NLRP6: variants seen among roughly 807,000 people sequenced by gnomAD.
NLRP6 encodes NACHT, LRR and PYD domains-containing protein 6.
Under a neutral mutation model 70.9 loss-of-function variants are expected in NLRP6, and 55 were observed. That is an observed-to-expected ratio of 0.78 (90% CI 0.62 to 0.97). The LOEUF is 0.97. Among genes scored for constraint, NLRP6 ranks in the 50% least tolerant of loss-of-function variants. NLRP6 has a pLI of 0.00. For synonymous variants in NLRP6, 652 were observed against 581.9 expected (o/e 1.12, Z -1.73); for missense variants, 1,241 against 1,238.3 (o/e 1.00, Z -0.03).
At chr11:279,698 G>A in intron 2 of NLRP6, 91 bp downstream of exon 2, 4 of 1,348,740 alleles carry the variant, frequency 3.0e-6, no homozygotes, top group Admixed American at 3.7e-5. Flanking sequence ...GCGGTCCCCG[G>A]CCCCCGCGCG....
rs143910450 is a variant in NLRP6 at position 284,264 on chromosome 11, C to T, written c.2233C>T (p.Arg745Ter). ...SHCKLPDAVC[R>*]DLSEALRAAP... Reference sequence around the variant, plus strand: ...CTGCAAACTCCCTGACGCGGTCTGCCGAGACCTTTCTGAGGCCCTGAGGGC... The same window carrying T: ...CTGCAAACTCCCTGACGCGGTCTGCTGAGACCTTTCTGAGGCCCTGAGGGC... Residue 745 changes from arginine (R) to a stop codon, truncating the protein, a stop_gained, in exon 6 of 8, where the codon CGA becomes TGA. Transcript: ENST00000534750. LOFTEE classifies it high-confidence loss of function. The T allele has an allele frequency of 6.4e-5, 104 of 1,613,210 alleles. No individual in the cohort carries two copies. The highest frequency in any genetic ancestry group is 9.3e-5 in the African/African-American group (7 of 75,046).
chr11:280,665 C>A lies in NLRP6; in HGVS notation c.931C>A (p.Leu311Met), dbSNP rs761365031. The A allele has an allele frequency of 6.5e-7, 1 of 1,538,312 alleles. No homozygotes were observed. The change falls in exon 4 of 8, where the codon CTG becomes ATG. Residue 311 changes from leucine to methionine, a missense_variant. Physicochemically the swap from Leu to Met is conservative, Grantham distance 15 (BLOSUM62 2). Transcript: ENST00000534750. ...GAGCGGCGCGCGGGTGCTAGGCGGG[C>A]TGCTGAGCAAGGCGCTGCTGCCCAC... ...AASGARVLGG[L>M]LSKALLPTAL...
At position 281,321 on chromosome 11, in the gene NLRP6, C is replaced by T. The variant is rs766180756; in HGVS notation, c.1587C>T (p.Leu529=). ...PRTAAGGVGT[L]LRGDAQPHSH... is the part of the protein sequence containing the mutation. The stretch of plus-strand genomic sequence containing the variant: ...CCGCGGCTGGCGGCGTTGGGACACT[C>T]CTGCGTGGGGACGCCCAGCCGCACA... The change falls in exon 4 of 8, where the codon CTC becomes CTT. Residue 529 remains leucine (L), a synonymous_variant. Coordinates refer to ENST00000534750, the MANE Select transcript of NLRP6 (RefSeq NM_001276700.2). 1 of 1,610,500 alleles carries T rather than the reference C, an allele frequency of 6.2e-7. No individual in the cohort carries two copies. Among genetic ancestry groups the T allele is most frequent in the East Asian group, 2.2e-5 (1 of 44,856 alleles).
At position 278,820 on chromosome 11, in the gene NLRP6, A is replaced by G. The variant is rs199475789; in HGVS notation, c.29+222A>G. Among the ~76,000 whole-genome samples the G allele has an allele frequency of 8.5e-5, 13 of 152,320 alleles. No individual in the cohort carries two copies. Among genetic ancestry groups the G allele is most frequent in the Non-Finnish European group, 1.3e-4 (9 of 68,016 alleles). On this transcript the variant is annotated intron_variant, in intron 1 of 7. Coordinates refer to ENST00000534750, the MANE Select transcript of NLRP6 (RefSeq NM_001276700.2). This position sits in a 1 kb window ranked among gnomAD's most constrained non-coding sequence, Gnocchi z 4.7. ...ATTCAGGCCCTGGTGCAAGGCCCCA[A>G]GCTGGGCCCCACCAAAGTGTGGCAG...
Position 280,950 on chromosome 11 carries a change from C to G in NLRP6, c.1216C>G (p.Arg406Gly), listed in dbSNP as rs372441368. The part of the protein sequence containing the change: ...TVLRQQLELG[R>G]DLSRTSKTTT... ...GCTGCGCCAGCAGCTGGAGCTCGGT[C>G]GGGACCTGTCGCGCACGTCCAAGAC... Residue 406 changes from arginine (R) to glycine (G), a missense_variant, in exon 4 of 8, where the codon CGG (arginine) becomes GGG (glycine). Arg to Gly is a moderately radical substitution (Grantham distance 125). Coordinates refer to ENST00000534750, the MANE Select transcript of NLRP6 (RefSeq NM_001276700.2). 1.9e-6 allele frequency: 3 copies of G among 1,613,090 alleles called. No homozygotes were observed. In the South Asian group the frequency reaches 3.3e-5, roughly 18 times the overall value.
Position 281,075 on chromosome 11 carries a change from C to T in NLRP6, c.1341C>T (p.Arg447=), listed in dbSNP as rs148559712. The T allele has an allele frequency of 3.1e-6, 5 of 1,612,756 alleles. No homozygotes were observed. The highest frequency in any genetic ancestry group is 3.4e-6 in the Non-Finnish European group (4 of 1,179,796). ...RLQGDLRNLC[R]LAREGVLGRR... is the part of the protein sequence containing the mutation. ...AGGGCGACCTGCGCAATCTGTGCCG[C>T]CTGGCCCGCGAGGGCGTCCTCGGAC... The change falls in exon 4 of 8, where the codon CGC becomes CGT. Residue 447 remains arginine (R), a synonymous_variant. Transcript: ENST00000534750.
chr11:282,634 T>C (rs1374000524), intron 4 of NLRP6, 71 bp from the exon 5 acceptor site: 27 of 1,182,632 alleles, frequency 2.3e-5, no homozygotes, highest in Non-Finnish European at 3.3e-5. Flanking sequence ...GGACTACAGA[T>C]AGACAGGAGT....
rs777226639 is a variant in NLRP6, at chr11:280,647, G to T, written c.913G>T (p.Ala305Ser). 4 of 1,511,750 alleles carry T rather than the reference G, an allele frequency of 2.6e-6. No homozygotes were observed. The highest frequency in any genetic ancestry group is 2.6e-6 in the Non-Finnish European group (3 of 1,138,342). The allele number at this position is 1,511,750 out of a possible 1,614,324, so 93.6% of individuals were successfully genotyped here. A position where few individuals can be genotyped will look rare whatever the true frequency, so the allele number is the denominator to read the frequency against. The change falls in exon 4 of 8, where the codon GCG (alanine) becomes TCG (serine). Residue 305 changes from alanine (A) to serine (S), a missense_variant. By Grantham distance (99) the Ala-to-Ser change is moderately conservative (BLOSUM62 1). Transcript: ENST00000534750. The part of the protein sequence containing the change: ...CTDPFEAASG[A>S]RVLGGLLSKA... The stretch of plus-strand genomic sequence containing the variant: ...AGACCCCTTCGAGGCGGCGAGCGGC[G>T]CGCGGGTGCTAGGCGGGCTGCTGAG...
Position 280,328 on chromosome 11 carries a change from G to T in NLRP6, c.594G>T (p.Val198=). 1 of 1,507,640 alleles carries T rather than the reference G, an allele frequency of 6.6e-7. No homozygotes were observed. Among genetic ancestry groups the T allele is most frequent in the Non-Finnish European group, 8.8e-7 (1 of 1,130,264 alleles). 93.4% of individuals were successfully genotyped at this position (1,507,640 alleles called of 1,614,324 possible). The part of the protein sequence containing the change: ...RDEEGRRPLT[V]VLQGPAGIGK... The stretch of plus-strand genomic sequence containing the variant: ...AGGAGGGCCGGCGGCCGCTGACCGT[G>T]GTGCTGCAGGGCCCGGCGGGCATCG... Residue 198 remains valine (V), a synonymous_variant, in exon 4 of 8, where the codon GTG becomes GTT. Coordinates refer to ENST00000534750, the MANE Select transcript of NLRP6 (RefSeq NM_001276700.2).
rs543504472 is a variant in NLRP6 at position 279,974 on chromosome 11, C to T, written c.349+102C>T. The stretch of plus-strand genomic sequence containing the variant: ...CCGCCAGGGGCGTGGGCTGTGGTCC[C>T]GTAGAGGAAACTGAGGCCTGAGCAG... On this transcript the variant is annotated intron_variant, in intron 3 of 7. Coordinates refer to ENST00000534750, the MANE Select transcript of NLRP6 (RefSeq NM_001276700.2). 7.1e-6 allele frequency: 10 copies of T among 1,413,464 alleles called. No homozygotes were observed. In the Admixed American group the frequency reaches 1.8e-4, roughly 25 times the overall value. The allele number at this position is 1,413,464 out of a possible 1,614,324, so 87.6% of individuals were successfully genotyped here. A position where few individuals can be genotyped will look rare whatever the true frequency, so the allele number is the denominator to read the frequency against.
intron 3 of NLRP6, 71 bp downstream of exon 3, chr11:279,943 G>A: frequency 6.9e-7 from 1 of 1,444,462 alleles, no homozygotes; most frequent in Non-Finnish European, 9.1e-7. Flanking sequence ...GACCGGGGTG[G>A]GAGGGCCGCC....
Position 279,829 on chromosome 11 carries a change from TC to T in NLRP6, c.311-3del. The T allele has an allele frequency of 1.3e-6, 2 of 1,581,196 alleles. No homozygotes were observed. Among genetic ancestry groups the T allele is most frequent in the Non-Finnish European group, 1.7e-6 (2 of 1,166,978 alleles). ...GGCGGAACCTCACCCCAGTTTCCCTTCCAGGGCTCGGGCTCGGCTCCGGGAC... is the reference window on the plus strand; with the variant it reads ...GGCGGAACCTCACCCCAGTTTCCCTTCAGGGCTCGGGCTCGGCTCCGGGAC... On this transcript the variant is annotated splice_polypyrimidine_tract_variant and splice_region_variant and intron_variant, in intron 2 of 7. Transcript: ENST00000534750.
chr11:279,222 C>A, intron 1 of NLRP6, 105 bp from the exon 2 acceptor site: 1 of 989,616 alleles, frequency 1.0e-6, no homozygotes, highest in Non-Finnish European at 1.3e-6. Context: ...TGGCCCGGGA[C>A]TCCCTGAGGC....
Position 284,540 on chromosome 11 carries a change from C to T in NLRP6, c.2435C>T (p.Ala812Val), listed in dbSNP as rs1845530202. The T allele has an allele frequency of 4.3e-6, 7 of 1,612,708 alleles. No homozygotes were observed. The highest frequency in any genetic ancestry group is 2.2e-5 in the East Asian group (1 of 44,898). The change falls in exon 7 of 8, where the codon GCC (alanine) becomes GTC (valine). Residue 812 changes from alanine to valine, a missense_variant. Ala to Val is a moderately conservative substitution (Grantham distance 64, BLOSUM62 0). Coordinates refer to ENST00000534750, the MANE Select transcript of NLRP6 (RefSeq NM_001276700.2). ...GTGGGTATGCTTCGGCAGAGCCCTGCCCTGACCACCCTGGATCTCAGCGGC... is the reference window on the plus strand; with the variant it reads ...GTGGGTATGCTTCGGCAGAGCCCTGTCCTGACCACCCTGGATCTCAGCGGC... ...YLVGMLRQSP[A>V]LTTLDLSGCQ...
intron 2 of NLRP6, 108 bp downstream of exon 2, chr11:279,715 C>G: frequency 2.2e-6 from 3 of 1,348,662 alleles, no homozygotes; most frequent in Non-Finnish European, 2.9e-6. Context: ...CGCGTTTTAT[C>G]CACAAATTCG....
intron 7 of NLRP6, among the ~76,000 whole-genome samples, 164 bp downstream of exon 7, chr11:284,806 G>A (rs1845535573): frequency 6.6e-6 from 1 of 152,206 alleles, no homozygotes; most frequent in African/African-American, 2.4e-5. Flanking sequence ...TGACAGCCCT[G>A]CCCTCTGAAG....
Position 283,399 on chromosome 11 carries a change from C to T in NLRP6, c.2198+602C>T, listed in dbSNP as rs561544029. Among the ~76,000 whole-genome samples, 185 of 150,840 alleles carry T rather than the reference C, an allele frequency of 1.2e-3. 2 individuals are homozygous for T. Among genetic ancestry groups the T allele is most frequent in the African/African-American group, 2.5e-3 (101 of 40,922 alleles). On this transcript the variant is annotated intron_variant, in intron 5 of 7. Coordinates refer to ENST00000534750, the MANE Select transcript of NLRP6 (RefSeq NM_001276700.2). Reference sequence around the variant, plus strand: ...TGTGATCTCAGCTCACTGCAAGCTCCGCCTCCCGGGTTCACGCCATTCTCC... The same window carrying T: ...TGTGATCTCAGCTCACTGCAAGCTCTGCCTCCCGGGTTCACGCCATTCTCC...
Position 281,719 on chromosome 11 carries a change from G to A in NLRP6, c.1985G>A (p.Cys662Tyr). Residue 662 changes from cysteine to tyrosine, a missense_variant, in exon 4 of 8, where the codon TGC becomes TAC. Physicochemically the swap from Cys to Tyr is radical, Grantham distance 194 (BLOSUM62 -2). Transcript: ENST00000534750. The part of the protein sequence containing the change: ...CRMDVAVLSY[C>Y]VRCCPAGQAL... The stretch of plus-strand genomic sequence containing the variant: ...ATGGACGTGGCTGTTCTGAGCTACT[G>A]CGTGAGGTGCTGCCCTGCTGGACAG... The A allele has an allele frequency of 6.2e-7, 1 of 1,613,324 alleles. No homozygotes were observed. The highest frequency in any genetic ancestry group is 1.3e-5 in the African/African-American group (1 of 75,068).
At position 284,535 on chromosome 11, in the gene NLRP6, C is replaced by A. The variant is rs766311431; in HGVS notation, c.2430C>A (p.Ser810Arg). The change falls in exon 7 of 8, where the codon AGC becomes AGA. Residue 810 changes from serine (S) to arginine (R), a missense_variant. Ser to Arg is a moderately radical substitution (Grantham distance 110). Transcript: ENST00000534750. ...ACCTGGTGGGTATGCTTCGGCAGAG[C>A]CCTGCCCTGACCACCCTGGATCTCA... ...LQYLVGMLRQ[S>R]PALTTLDLSG... 74 of 1,612,856 alleles carry A rather than the reference C, an allele frequency of 4.6e-5. No individual in the cohort carries two copies. Among genetic ancestry groups the A allele is most frequent in the Non-Finnish European group, 5.6e-5 (66 of 1,179,870 alleles).
Sources: allele counts gnomAD v4.1 joint callset (sites outside exome capture counted in the v4.1 genomes callset), GRCh38; gene constraint gnomAD v4.1.1; non-coding constraint Gnocchi (gnomAD v3.1); transcripts MANE v1.5; gene names NCBI Gene and HGNC (gene_info 2026-07-23, HGNC 2026-07-21).